Variants in NRXN1 observed in about 807,000 individuals in gnomAD.
NRXN1 encodes the protein neurexin 1.
A neutral mutation model predicts 150.9 loss-of-function variants in NRXN1; 39 were observed. That is an observed-to-expected ratio of 0.26 (90% CI 0.20 to 0.34). The LOEUF (loss-of-function observed/expected upper bound fraction) is 0.34, where lower values mean the gene tolerates loss of function less well. Ranked by LOEUF, NRXN1 falls within the 10% of genes least tolerant of loss-of-function variation. NRXN1 has a pLI of 1.00. For synonymous variants in NRXN1, 924 were observed against 757.0 expected (o/e 1.22, Z -3.62); for missense variants, 1,815 against 1,949.9 (o/e 0.93, Z 1.30).
At chr2:50,967,776 G>C (rs1314619058) in intron 2 of NRXN1, among the ~76,000 whole-genome samples, 1 of 151,810 alleles carries the variant, frequency 6.6e-6, no homozygotes, top group Non-Finnish European at 1.5e-5. Flanking sequence ...CCTCCTCTGG[G>C]CCAGAGGAGG....
intron 17 of NRXN1, among the ~76,000 whole-genome samples, chr2:50,450,747 G>T (rs987553370): frequency 5.3e-5 from 8 of 152,152 alleles, no homozygotes. Context: ...AGAAGCAGAG[G>T]TATTAAAGTC....
chr2:50,563,819 C>T (rs1324449298), intron 8 of NRXN1, among the ~76,000 whole-genome samples: 1 of 152,154 alleles, frequency 6.6e-6, no homozygotes, highest in Admixed American at 6.5e-5. Context: ...AGCTGGTTAT[C>T]CAGTTGGTGG....
intron 21 of NRXN1, among the ~76,000 whole-genome samples, chr2:50,021,870 A>C (rs2152560396): frequency 6.6e-6 from 1 of 152,308 alleles, no homozygotes; most frequent in South Asian, 2.1e-4. Context: ...ATTTATTTAG[A>C]GATGGAGTCT....
intron 5 of NRXN1, among the ~76,000 whole-genome samples, chr2:50,646,280 A>T (rs1247568583): frequency 6.6e-6 from 1 of 151,946 alleles, no homozygotes; most frequent in African/African-American, 2.4e-5. Flanking sequence ...CTCACACTGA[A>T]GCCAGCTGGA....
intron 8 of NRXN1, among the ~76,000 whole-genome samples, chr2:50,562,981 G>T (rs1669325984): frequency 6.6e-6 from 1 of 152,048 alleles, no homozygotes; most frequent in Non-Finnish European, 1.5e-5. Context: ...AACATCTCAT[G>T]TAATTTCGCA....
intron 5 of NRXN1, among the ~76,000 whole-genome samples, chr2:50,782,006 T>A (rs1403300995): frequency 6.6e-6 from 1 of 152,146 alleles, no homozygotes; most frequent in African/African-American, 2.4e-5. Flanking sequence ...CACCGAAAAA[T>A]AAGTCATTCA....
At position 50,894,240 on chromosome 2, in the gene NRXN1, A is replaced by G. The variant is rs1302646156; in HGVS notation, c.832+27629T>C. 2.3e-5 allele frequency among the ~76,000 whole-genome samples: 3 copies of G among 129,046 alleles called. No homozygotes were observed. The East Asian group carries it at 6.3e-4, about 27-fold the overall frequency. 84.7% of individuals were successfully genotyped at this position (129,046 alleles called of 152,430 possible). On this transcript the variant is annotated intron_variant, in intron 5 of 22. Transcript: ENST00000401669. ...TGTACCCTAAAACTTAAAGTATAAT[A>G]ATAATAAATAAATAAATAAATAAAT...
At chr2:50,621,290 A>T in intron 6 of NRXN1, 41 bp from the exon 7 acceptor site, 1 of 1,462,012 alleles carries the variant, frequency 6.8e-7, no homozygotes, top group Non-Finnish European at 9.4e-7. Context: ...AAAAACTGTG[A>T]ACAGAATAAC....
chr2:50,814,310 T>C (rs1431230479), intron 5 of NRXN1, among the ~76,000 whole-genome samples: 1 of 152,084 alleles, frequency 6.6e-6, no homozygotes, highest in South Asian at 2.1e-4. Context: ...TTCTCAATTT[T>C]TTAATCAATA....
At chr2:50,665,086 TC>T (rs1429771034) in intron 5 of NRXN1, among the ~76,000 whole-genome samples, 1 of 151,980 alleles carries the variant, frequency 6.6e-6, no homozygotes, top group East Asian at 1.9e-4. Context: ...TACTACTTTT[TC>T]CACAGGCCAC....
At chr2:50,610,162 A>T (rs920913737) in intron 8 of NRXN1, among the ~76,000 whole-genome samples, 1 of 152,180 alleles carries the variant, frequency 6.6e-6, no homozygotes, top group Non-Finnish European at 1.5e-5. Flanking sequence ...AGAAATTAAG[A>T]GGAACTCCAA....
intron 5 of NRXN1, among the ~76,000 whole-genome samples, chr2:50,639,431 G>A (rs963865008): frequency 6.6e-6 from 1 of 151,686 alleles, no homozygotes; most frequent in African/African-American, 2.4e-5. Context: ...ATGTTGGCCA[G>A]GCTGGTCTCG....
intron 18 of NRXN1, among the ~76,000 whole-genome samples, chr2:50,181,242 T>TA (rs140218587): frequency 0.22 from 33,623 of 151,540 alleles, 4,441 homozygotes; most frequent in East Asian, 0.4. Flanking sequence ...ATGGTGAGTT[T>TA]AAAAAAAACC....
At chr2:50,525,744 T>G (rs1381688563) in intron 12 of NRXN1, among the ~76,000 whole-genome samples, 1 of 152,174 alleles carries the variant, frequency 6.6e-6, no homozygotes, top group Non-Finnish European at 1.5e-5. Flanking sequence ...GAAAATAAGC[T>G]TTTTTATTTT....
chr2:50,828,403 C>CCGGG (rs1670840526), intron 5 of NRXN1, among the ~76,000 whole-genome samples: 1 of 151,314 alleles, frequency 6.6e-6, no homozygotes, highest in African/African-American at 2.4e-5. Flanking sequence ...GGGGTGGCTG[C>CCGGG]CGGGCGGAGG....
At chr2:50,233,215 C>A (rs1416164727) in intron 18 of NRXN1, among the ~76,000 whole-genome samples, 1 of 151,846 alleles carries the variant, frequency 6.6e-6, no homozygotes, top group African/African-American at 2.4e-5. Flanking sequence ...CATGTCTTAC[C>A]TTCTCCTCAC....
chr2:50,186,133 C>A (rs1032623571), intron 18 of NRXN1, among the ~76,000 whole-genome samples: 3 of 152,018 alleles, frequency 2.0e-5, no homozygotes, highest in Admixed American at 2.0e-4. Context: ...TTTGAATGGG[C>A]CACTTCAATG....
intron 17 of NRXN1, among the ~76,000 whole-genome samples, chr2:50,392,727 T>G (rs1330169090): frequency 6.6e-6 from 1 of 152,070 alleles, no homozygotes. Flanking sequence ...TGAATAAACA[T>G]GCGAAAACAA....
intron 17 of NRXN1, among the ~76,000 whole-genome samples, chr2:50,394,361 C>A (rs2081930233): frequency 6.6e-6 from 1 of 152,092 alleles, no homozygotes. Flanking sequence ...TCCACTCCAA[C>A]CTCCCCCAAA....
Sources: allele counts gnomAD v4.1 joint callset (sites outside exome capture counted in the v4.1 genomes callset), GRCh38; gene constraint gnomAD v4.1.1; transcripts MANE v1.5; gene names NCBI Gene and HGNC (gene_info 2026-07-23, HGNC 2026-07-21).